The following MGAT4C variants were observed in gnomAD, a reference collection of about 807,000 sequenced individuals.
The protein encoded by MGAT4C is MGAT4 family member C.
MGAT4C carries 19 observed loss-of-function variants against 40.1 expected under a neutral mutation model. That is an observed-to-expected ratio of 0.47 (90% CI 0.33 to 0.70). The LOEUF is 0.70. Among genes scored for constraint, MGAT4C ranks in the 30% least tolerant of loss-of-function variants. The pLI is 0.02. For missense variants in MGAT4C, 491 were observed against 563.2 expected (o/e 0.87, Z 1.30); for synonymous variants, 181 against 187.1 (o/e 0.97, Z 0.27).
At chr12:86,150,857 G>A (rs961866081) in intron 1 of MGAT4C, among the ~76,000 whole-genome samples, 1 of 152,204 alleles carries the variant, frequency 6.6e-6, no homozygotes, top group African/African-American at 2.4e-5. Context: ...GGAGTCTCAT[G>A]GTGATGTATG....
chr12:86,012,135 G>A (rs962220895), intron 2 of MGAT4C, among the ~76,000 whole-genome samples: 2 of 152,130 alleles, frequency 1.3e-5, no homozygotes, highest in Non-Finnish European at 2.9e-5. Context: ...TTCTCAGGAT[G>A]ATACATCATC....
At chr12:86,332,598 A>C (rs1187027928) in intron 4 of MGAT4C, among the ~76,000 whole-genome samples, 1 of 152,100 alleles carries the variant, frequency 6.6e-6, no homozygotes, top group Non-Finnish European at 1.5e-5. Flanking sequence ...AAATTTCCAC[A>C]GTAAAAAGCC....
chr12:86,207,113 T>TCC lies in MGAT4C; in HGVS notation c.-57+49125_-57+49126insGG, dbSNP rs1566145750. Among the ~76,000 whole-genome samples the TCC allele has an allele frequency of 6.1e-5, 9 of 147,720 alleles. No individual in the cohort carries two copies. In the East Asian group the frequency reaches 1.4e-3, roughly 23 times the overall value. On this transcript the variant is annotated intron_variant, in intron 1 of 4. Coordinates refer to ENST00000611864, the MANE Select transcript of MGAT4C (RefSeq NM_001351288.2). ...ACCTATGTTGGACCCTTTTTTTTCT[T>TCC]TTTTTTTTTTTAGCTCGCTTAATCT...
intron 2 of MGAT4C, among the ~76,000 whole-genome samples, chr12:86,585,974 A>C (rs1593013325): frequency 6.6e-6 from 1 of 150,648 alleles, no homozygotes; most frequent in East Asian, 2.0e-4. Flanking sequence ...TTATACTTTA[A>C]GTTTTAGGGT....
chr12:86,406,782 T>A (rs917018373), intron 3 of MGAT4C, among the ~76,000 whole-genome samples: 10 of 152,082 alleles, frequency 6.6e-5, no homozygotes, highest in Non-Finnish European at 1.0e-4. Context: ...TGAGATAAAC[T>A]TTTTTATCTC....
intron 1 of MGAT4C, among the ~76,000 whole-genome samples, chr12:86,764,675 AG>A (rs1285743547): frequency 6.6e-6 from 1 of 151,834 alleles, no homozygotes; most frequent in African/African-American, 2.4e-5. Context: ...AAACTTCCAG[AG>A]GAACAATCAG....
At chr12:86,348,684 A>G (rs2136190073) in intron 3 of MGAT4C, among the ~76,000 whole-genome samples, 1 of 152,248 alleles carries the variant, frequency 6.6e-6, no homozygotes, top group Non-Finnish European at 1.5e-5. Context: ...TATGAATCTC[A>G]TTCAATAGTA....
intron 2 of MGAT4C, among the ~76,000 whole-genome samples, chr12:86,493,180 C>T (rs1175625875): frequency 6.6e-6 from 1 of 150,600 alleles, no homozygotes; most frequent in African/African-American, 2.5e-5. Context: ...GAAATAGGAA[C>T]ACTTTTACAC....
chr12:86,435,387 A>T (rs914162429), intron 2 of MGAT4C: 5 of 151,936 alleles, frequency 3.3e-5, no homozygotes, highest in African/African-American at 1.2e-4. Context: ...CAAGCCCATT[A>T]CATTTCTACT....
intron 4 of MGAT4C, among the ~76,000 whole-genome samples, chr12:86,331,051 G>A (rs578116008): frequency 6.6e-6 from 1 of 152,134 alleles, no homozygotes; most frequent in Non-Finnish European, 1.5e-5. Context: ...GGGGCAAAAG[G>A]CAGAGTGAGA....
chr12:86,315,566 C>A (rs1954191975), intron 4 of MGAT4C, among the ~76,000 whole-genome samples: 1 of 151,744 alleles, frequency 6.6e-6, no homozygotes, highest in Non-Finnish European at 1.5e-5. Flanking sequence ...ATTAGCCGGG[C>A]GTGGTGGCGG....
intron 2 of MGAT4C, among the ~76,000 whole-genome samples, chr12:86,027,533 A>C (rs1890349098): frequency 6.6e-6 from 1 of 151,930 alleles, no homozygotes; most frequent in Non-Finnish European, 1.5e-5. Context: ...TTTTCATGAA[A>C]TTCATATGAT....
intron 3 of MGAT4C, among the ~76,000 whole-genome samples, chr12:86,343,249 C>T (rs1308522799): frequency 6.6e-6 from 1 of 152,166 alleles, no homozygotes; most frequent in African/African-American, 2.4e-5. Flanking sequence ...GTTCTTGACA[C>T]TGACCCAGTA....
At chr12:86,226,230 G>A (rs1951069342) in intron 1 of MGAT4C, among the ~76,000 whole-genome samples, 1 of 151,868 alleles carries the variant, frequency 6.6e-6, no homozygotes, top group Admixed American at 6.6e-5. Flanking sequence ...AAGCCTTCTT[G>A]GAATTTAAAT....
intron 1 of MGAT4C, among the ~76,000 whole-genome samples, chr12:86,187,793 G>A (rs113946482): frequency 1.3e-5 from 2 of 151,680 alleles, no homozygotes; most frequent in African/African-American, 2.4e-5. Context: ...AGGCTTGAAC[G>A]TATTAAAGAT....
intron 3 of MGAT4C, among the ~76,000 whole-genome samples, chr12:86,421,523 G>C (rs1184690069): frequency 4.6e-5 from 7 of 152,192 alleles, no homozygotes; most frequent in Admixed American, 1.3e-4. Flanking sequence ...TGTAGTCCCA[G>C]CACTTTGGGA....
At chr12:86,393,045 C>T (rs1956185776) in intron 3 of MGAT4C, among the ~76,000 whole-genome samples, 1 of 151,994 alleles carries the variant, frequency 6.6e-6, no homozygotes, top group Admixed American at 6.6e-5. Context: ...TAAAACAAAG[C>T]TTAGAAGGTC....
chr12:86,682,858 T>C (rs1359364601), intron 2 of MGAT4C, among the ~76,000 whole-genome samples: 1 of 152,170 alleles, frequency 6.6e-6, no homozygotes, highest in Non-Finnish European at 1.5e-5. Flanking sequence ...TTTTAGGAGA[T>C]ATAAAGAATG....
At chr12:86,181,446 G>T (rs1184412481) in intron 1 of MGAT4C, among the ~76,000 whole-genome samples, 1 of 152,120 alleles carries the variant, frequency 6.6e-6, no homozygotes, top group Non-Finnish European at 1.5e-5. Context: ...AAATTCAACA[G>T]ATAAGCAGTC....
Sources: allele counts gnomAD v4.1 joint callset (sites outside exome capture counted in the v4.1 genomes callset), GRCh38; gene constraint gnomAD v4.1.1; transcripts MANE v1.5; gene names NCBI Gene and HGNC (gene_info 2026-07-23, HGNC 2026-07-21).